Variants in NAIP observed in about 807,000 individuals in gnomAD.
The protein encoded by NAIP is baculoviral IAP repeat-containing protein 1.
A neutral mutation model predicts 23.0 loss-of-function variants in NAIP; 15 were observed. The observed-to-expected ratio is 0.65, with a 90% CI of 0.44 to 1.00. The LOEUF (loss-of-function observed/expected upper bound fraction) is 1.00. NAIP is among the 50% of genes least tolerant of loss of function. The probability of loss-of-function intolerance (pLI) is 0.00; values close to 1 mark genes in which losing one functional copy is unlikely to be tolerated. For synonymous variants in NAIP, 100 were observed against 100.2 expected, an observed-to-expected ratio of 1.00 and a Z score of 0.01; for missense variants, 265 against 278.8, an observed-to-expected ratio of 0.95 and a Z score of 0.35.
intron 13 of NAIP, among the ~76,000 whole-genome samples, chr5:70,979,572 C>CAAA (rs1185904838): frequency 0.022 from 368 of 16,634 alleles, 67 homozygotes; most frequent in South Asian, 0.11. Flanking sequence ...GAGACTGTCT[C>CAAA]AAAAAAAAAA....
chr5:70,971,878 TA>T lies in NAIP; in HGVS notation c.3848-1411del, dbSNP rs1238214976. Reference sequence around the variant, plus strand: ...TCTTGTTGTTTGGTTTAGGGGTTTTTAAAAAAAAAAAATTTTTTTTTTTTGA... The same window carrying T: ...TCTTGTTGTTTGGTTTAGGGGTTTTTAAAAAAAAAAATTTTTTTTTTTTGA... On this transcript the variant is annotated intron_variant, in intron 16 of 16. Coordinates refer to ENST00000517649, the MANE Select transcript of NAIP (RefSeq NM_004536.3). 2.6e-3 allele frequency among the ~76,000 whole-genome samples: 167 copies of T among 65,230 alleles called. 5 individuals are homozygous for T. Among genetic ancestry groups the T allele is most frequent in the South Asian group, 5.6e-3 (10 of 1,792 alleles). 42.8% of individuals were successfully genotyped at this position (65,230 alleles called of 152,430 possible). A position where few individuals can be genotyped will look rare whatever the true frequency, so the allele number is the denominator to read the frequency against.
rs536343273 is a variant in NAIP, at chr5:71,010,569, T to C, written c.668+706A>G. ...GGTGTGAGCCACCGCGCCTGGCCAA[T>C]TTTTTTTATTTTTGTAGAAACAGGG... is the stretch of plus-strand genomic sequence containing the variant. On this transcript the variant is annotated intron_variant, in intron 5 of 16. Coordinates refer to ENST00000517649, the MANE Select transcript of NAIP (RefSeq NM_004536.3). Among the ~76,000 whole-genome samples, 8 of 150,814 alleles carry C rather than the reference T, an allele frequency of 5.3e-5. No homozygotes were observed. The South Asian group carries it at 1.7e-3, about 32-fold the overall frequency.
intron 3 of NAIP, among the ~76,000 whole-genome samples, chr5:71,016,029 C>G (rs1751428607): frequency 6.9e-6 from 1 of 144,018 alleles, no homozygotes; most frequent in African/African-American, 2.5e-5. Flanking sequence ...ACCTATAACC[C>G]CAATGCTCTT....
At position 71,012,749 on chromosome 5, in the gene NAIP, T is replaced by A. The variant is rs1394276512; in HGVS notation, c.167A>T (p.Gln56Leu). Residue 56 changes from glutamine to leucine, a missense_variant, in exon 4 of 17, where the codon CAA (glutamine) becomes CTA (leucine). This residue lies in a region of NAIP where 261 missense variants were observed against 259.2 expected (regional missense o/e 1.01). Coordinates refer to ENST00000517649, the MANE Select transcript of NAIP (RefSeq NM_004536.3). ...TAACCTTTTTGCTTCACTGCGCATTTGAGAGTTGTAGCCTTTCTGCATTTT... is the reference window on the plus strand; with the variant it reads ...TAACCTTTTTGCTTCACTGCGCATTAGAGAGTTGTAGCCTTTCTGCATTTT... ...RAKMQKGYNS[Q>L]MRSEAKRLKT... The A allele has an allele frequency of 6.2e-7, 1 of 1,611,940 alleles. No homozygotes were observed. Among genetic ancestry groups the A allele is most frequent in the East Asian group, 2.2e-5 (1 of 44,848 alleles).
intron 5 of NAIP, among the ~76,000 whole-genome samples, chr5:71,009,379 G>A (rs28394128): frequency 0.11 from 15,952 of 139,112 alleles, 2,760 homozygotes; most frequent in African/African-American, 0.41. Flanking sequence ...AAAAAAAAAA[G>A]AAAAGAAAGA....
rs1199299377 is a variant in NAIP, at chr5:70,982,664, G to A, written c.3274+1111C>T. ...TTTTTTTTGAGACGGAGTCTCACTC[G>A]GTAGCCCAAGCTGGAGTGCAGTGGC... On this transcript the variant is annotated intron_variant, in intron 12 of 16. Transcript: ENST00000517649. 1.0e-3 allele frequency among the ~76,000 whole-genome samples: 11 copies of A among 10,716 alleles called. 3 individuals are homozygous for A. Among genetic ancestry groups the A allele is most frequent in the East Asian group, 5.8e-3 (1 of 172 alleles). 7.0% of individuals were successfully genotyped at this position (10,716 alleles called of 152,430 possible).
At chr5:71,014,809 G>A (rs1386144493) in intron 3 of NAIP, among the ~76,000 whole-genome samples, 2 of 151,380 alleles carry the variant, frequency 1.3e-5, no homozygotes, top group South Asian at 2.1e-4. Flanking sequence ...AGGCTGAGGC[G>A]GGAGAATCAG....
At chr5:71,010,316 C>T (rs1359583449) in intron 5 of NAIP, among the ~76,000 whole-genome samples, 3 of 151,198 alleles carry the variant, frequency 2.0e-5, no homozygotes, top group South Asian at 2.1e-4. Context: ...TCGCCCAGGC[C>T]GGAGTGCAGT....
chr5:71,011,319 T>A lies in NAIP; in HGVS notation c.624A>T (p.Glu208Asp). 1.2e-6 allele frequency: 2 copies of A among 1,607,200 alleles called. No individual in the cohort carries two copies. The highest frequency in any genetic ancestry group is 1.7e-6 in the Non-Finnish European group (2 of 1,176,078). Residue 208 changes from glutamate (E) to aspartate (D), a missense_variant, in exon 5 of 17, where the codon GAA becomes GAT. Around this residue, in one of 2 missense-constraint regions of NAIP, gnomAD observed 261 missense variants for 259.2 expected, o/e 1.01. Transcript: ENST00000517649. The part of the protein sequence containing the change: ...FSCGGCLGNW[E>D]EGDDPWKEHA... ...GTTCCTTCCAAGGATCATCTCCTTC[T>A]TCCCAATTTCCTAAACATCCACCAC... is the stretch of plus-strand genomic sequence containing the variant.
intron 3 of NAIP, among the ~76,000 whole-genome samples, chr5:71,016,847 C>CT (rs1231707099): frequency 1.4e-4 from 4 of 29,044 alleles, no homozygotes; most frequent in East Asian, 6.8e-4. Context: ...ACATTTTTCA[C>CT]TTTTTTTTTT....
intron 3 of NAIP, among the ~76,000 whole-genome samples, chr5:71,017,778 T>C (rs1416669118): frequency 2.9e-5 from 2 of 69,956 alleles, no homozygotes; most frequent in Non-Finnish European, 6.1e-5. Flanking sequence ...TGACCTCAGG[T>C]GATCCACCCG....
chr5:71,013,113 T>A (rs1751248120), intron 3 of NAIP, among the ~76,000 whole-genome samples, 195 bp from the exon 4 acceptor site: 1 of 151,550 alleles, frequency 6.6e-6, no homozygotes, highest in African/African-American at 2.4e-5. Context: ...ACCTACTATA[T>A]ATCAGGTACA....
intron 3 of NAIP, among the ~76,000 whole-genome samples, chr5:71,013,639 T>TAA (rs35296500): frequency 3.2e-5 from 4 of 123,858 alleles, no homozygotes; most frequent in African/African-American, 6.1e-5. Context: ...GACTCCGTCT[T>TAA]AAAAAAAAAA....
chr5:71,012,694 G>A lies in NAIP; in HGVS notation c.222C>T (p.Ser74=). ...LKTFVTYEPY[S]SWIPQEMAAA... ...CCGCCATCTCCTGTGGTATCCATGA[G>A]CTGTACGGCTCATAAGTCACAAAAG... Residue 74 remains serine, a synonymous_variant, in exon 4 of 17, where the codon AGC becomes AGT. Coordinates refer to ENST00000517649, the MANE Select transcript of NAIP (RefSeq NM_004536.3). 6.2e-7 allele frequency: 1 copy of A among 1,611,872 alleles called. No individual in the cohort carries two copies. The highest frequency in any genetic ancestry group is 1.7e-5 in the Admixed American group (1 of 59,918).
chr5:70,989,214 AAAACAAAC>A (rs1017612196), intron 9 of NAIP, among the ~76,000 whole-genome samples: 2 of 89,314 alleles, frequency 2.2e-5, no homozygotes, highest in Admixed American at 2.4e-4. Context: ...CTCTGTCTCA[AAAACAAAC>A]AAACAAACAA....
At chr5:71,012,301 A>T in intron 4 of NAIP, 47 bp downstream of exon 4, 1 of 1,503,382 alleles carries the variant, frequency 6.7e-7, no homozygotes, top group Non-Finnish European at 9.0e-7. Flanking sequence ...AATAAAACCT[A>T]AACTTAAAAC....
At chr5:71,002,401 CTTTTTTTTTTTTTTT>C (rs1157939944) in intron 6 of NAIP, among the ~76,000 whole-genome samples, 22 of 5,590 alleles carry the variant, frequency 3.9e-3, no homozygotes, top group African/African-American at 0.015. Flanking sequence ...TGTTGGAGGT[CTTTTTTTTTTTTTTT>C]TTTTTTTTTT....
chr5:71,014,228 G>T (rs1751321759), intron 3 of NAIP, among the ~76,000 whole-genome samples: 1 of 151,046 alleles, frequency 6.6e-6, no homozygotes, highest in Non-Finnish European at 1.5e-5. Flanking sequence ...CTCCTGAGTA[G>T]CTGGGATTAC....
chr5:70,973,002 A>G (rs1485743918), intron 16 of NAIP, among the ~76,000 whole-genome samples: 2 of 140,978 alleles, frequency 1.4e-5, no homozygotes, highest in Non-Finnish European at 3.1e-5. Context: ...CCGGGTTCAC[A>G]CCATTCTCCT....
Sources: gnomAD v4.1 joint callset for allele counts (sites outside exome capture counted in the v4.1 genomes callset) on GRCh38, gnomAD v4.1.1 for gene constraint, gnomAD v4.1.1 regional missense constraint, MANE v1.5 for transcripts, NCBI Gene and HGNC (gene_info 2026-07-23, HGNC 2026-07-21) for gene names.